Variants in PCDHGA4 observed in about 807,000 individuals in gnomAD.
The protein encoded by PCDHGA4 is protocadherin gamma subfamily A, 4.
Under a neutral mutation model 54.6 loss-of-function variants are expected in PCDHGA4, and 38 were observed. The ratio of observed to expected loss-of-function variants is 0.70; its 90% CI spans 0.54 to 0.91. The LOEUF is 0.91. Among genes scored for constraint, PCDHGA4 ranks in the 40% least tolerant of loss-of-function variants. The pLI, the probability that PCDHGA4 is intolerant of heterozygous loss-of-function variation, is 0.00. For missense variants in PCDHGA4, 1,298 were observed against 1,220.9 expected (o/e 1.06, Z -0.94); for synonymous variants, 511 against 512.9 (o/e 1.00, Z 0.05).
chr5:141,409,474 C>T, intron 1 of PCDHGA4: 1 of 1,614,002 alleles, frequency 6.2e-7, no homozygotes, highest in Non-Finnish European at 8.5e-7. Flanking sequence ...CCATCGTAGC[C>T]ACTGACAGGG....
At chr5:141,371,794 C>T (rs776687123) in intron 1 of PCDHGA4, 2 of 1,613,950 alleles carry the variant, frequency 1.2e-6, no homozygotes, top group South Asian at 2.2e-5. Context: ...AACAATCCGC[C>T]TGGAGCCTCC....
rs1283050252 is a variant in PCDHGA4, at chr5:141,512,909, T to G, written c.*1736T>G. ...CCTCTTCCTGTGTCTCACGCAAGTT[T>G]TATACTCTAATATTTATATGGCTTT... On this transcript the variant is annotated 3_prime_UTR_variant, in exon 4 of 4. Coordinates refer to ENST00000571252, the MANE Select transcript of PCDHGA4 (RefSeq NM_018917.4). 6.6e-6 allele frequency: 1 copy of G among 152,268 alleles called. No homozygotes were observed. The highest frequency in any genetic ancestry group is 1.5e-5 in the Non-Finnish European group (1 of 68,056). 9.4% of individuals were successfully genotyped at this position (152,268 alleles called of 1,614,324 possible).
At chr5:141,414,143 T>C (rs887054185) in intron 1 of PCDHGA4, 1 of 1,597,122 alleles carries the variant, frequency 6.3e-7, no homozygotes, top group Non-Finnish European at 8.5e-7. Flanking sequence ...GAAATAGAAA[T>C]ACAAGCAGAA....
Position 141,409,934 on chromosome 5 carries a change from G to A in PCDHGA4, c.2514+52313G>A. The A allele has an allele frequency of 1.9e-6, 3 of 1,613,362 alleles. No individual in the cohort carries two copies. Among genetic ancestry groups the A allele is most frequent in the South Asian group, 2.2e-5 (2 of 91,074 alleles). On this transcript the variant is annotated intron_variant, in intron 1 of 3. Transcript: ENST00000571252. ...TGACGGCTCCGCGTTCTTCGATATG[G>A]TACCTCGCTCTGCAGAGCCCGGCTA...
At chr5:141,408,423 A>G (rs2095103444) in intron 1 of PCDHGA4, 1 of 1,614,078 alleles carries the variant, frequency 6.2e-7, no homozygotes. Flanking sequence ...GAGAAGCTGC[A>G]CTTCAGCGTA....
At chr5:141,409,832 G>A (rs777679132) in intron 1 of PCDHGA4, 20 of 1,610,814 alleles carry the variant, frequency 1.2e-5, no homozygotes, top group Non-Finnish European at 1.6e-5. Context: ...CACGCTCAGC[G>A]CCAACGTGAG....
chr5:141,470,911 G>C (rs1208467445), intron 1 of PCDHGA4, among the ~76,000 whole-genome samples: 1 of 151,916 alleles, frequency 6.6e-6, no homozygotes, highest in African/African-American at 2.4e-5. Context: ...AGATGGGACT[G>C]TCCCTATGTT....
intron 1 of PCDHGA4, among the ~76,000 whole-genome samples, chr5:141,434,463 G>A (rs967685246): frequency 5.9e-5 from 9 of 152,192 alleles, no homozygotes; most frequent in Admixed American, 1.3e-4. Flanking sequence ...TGGGTTTACC[G>A]GAATGAGGGC....
At chr5:141,370,718 G>C (rs752810801) in intron 1 of PCDHGA4, 2 of 1,613,818 alleles carry the variant, frequency 1.2e-6, no homozygotes, top group Non-Finnish European at 1.7e-6. Context: ...AATTTGAAAT[G>C]GTTGCTGAAA....
chr5:141,389,834 A>G, intron 1 of PCDHGA4: 2 of 1,613,988 alleles, frequency 1.2e-6, no homozygotes, highest in Non-Finnish European at 1.7e-6. Context: ...GTGGACAGCC[A>G]CCACTCTCGG....
Position 141,387,738 on chromosome 5 carries a change from A to G in PCDHGA4, c.2514+30117A>G, listed in dbSNP as rs972177545. On this transcript the variant is annotated intron_variant, in intron 1 of 3. Transcript: ENST00000571252. ...CAGACTCCCCAGCGCCAGCCTTTAC[A>G]CCGCTTCCTCCTCGGAAAAAGAAGA... 7 of 1,322,274 alleles carry G rather than the reference A, an allele frequency of 5.3e-6. No individual in the cohort carries two copies. The Admixed American group carries it at 1.1e-4, about 21-fold the overall frequency. 81.9% of individuals were successfully genotyped at this position (1,322,274 alleles called of 1,614,324 possible).
chr5:141,396,996 C>G (rs1435849865), intron 1 of PCDHGA4, among the ~76,000 whole-genome samples: 1 of 152,218 alleles, frequency 6.6e-6, no homozygotes, highest in Non-Finnish European at 1.5e-5. Context: ...TTTTATTAAT[C>G]TGACAAATGG....
chr5:141,388,708 C>A lies in PCDHGA4; in HGVS notation c.2514+31087C>A, dbSNP rs764003797. On this transcript the variant is annotated intron_variant, in intron 1 of 3. Transcript: ENST00000571252. ...ACGGACCAGGATGAGGGTGTCAATG[C>A]CGAGATTACTTTCTCTTTCAGTGAA... 1.9e-6 allele frequency: 3 copies of A among 1,613,842 alleles called. No individual in the cohort carries two copies. The highest frequency in any genetic ancestry group is 2.5e-6 in the Non-Finnish European group (3 of 1,179,882).
intron 1 of PCDHGA4, chr5:141,399,854 G>T (rs747617678): frequency 6.2e-7 from 1 of 1,612,904 alleles, no homozygotes; most frequent in Non-Finnish European, 8.5e-7. Flanking sequence ...ATGGTGCCGC[G>T]CGCTGCAGAG....
chr5:141,383,187 C>A (rs572411306), intron 1 of PCDHGA4: 2 of 1,614,076 alleles, frequency 1.2e-6, no homozygotes, highest in Non-Finnish European at 1.7e-6. Context: ...AAGAGATCTG[C>A]GCTCAGAGTG....
At chr5:141,421,355 G>A in intron 1 of PCDHGA4, 1 of 1,613,990 alleles carries the variant, frequency 6.2e-7, no homozygotes, top group East Asian at 2.2e-5. Flanking sequence ...ACCGAAAAGG[G>A]CTCCTTCGTG....
Position 141,398,900 on chromosome 5 carries a change from G to A in PCDHGA4, c.2514+41279G>A, listed in dbSNP as rs765284630. Reference sequence around the variant, plus strand: ...AGCCTTCGGGAAAACGTGCCACCAGGCACCACTGTGTTGCAAGTGTCAGCC... The same window carrying A: ...AGCCTTCGGGAAAACGTGCCACCAGACACCACTGTGTTGCAAGTGTCAGCC... On this transcript the variant is annotated intron_variant, in intron 1 of 3. Coordinates refer to ENST00000571252, the MANE Select transcript of PCDHGA4 (RefSeq NM_018917.4). The A allele has an allele frequency of 3.1e-6, 5 of 1,613,846 alleles. No individual in the cohort carries two copies. In the East Asian group the frequency reaches 6.7e-5, roughly 22 times the overall value.
intron 1 of PCDHGA4, among the ~76,000 whole-genome samples, chr5:141,447,640 G>A (rs184184100): frequency 6.6e-6 from 1 of 152,198 alleles, no homozygotes; most frequent in Admixed American, 6.5e-5. Flanking sequence ...TATGAATGAT[G>A]GTAGAATTTT....
In PCDHGA4 at chr5:141,512,443, CCTT is replaced by C. The variant is rs1263805618; in HGVS notation, c.*1272_*1274del. On this transcript the variant is annotated 3_prime_UTR_variant, in exon 4 of 4. Coordinates refer to ENST00000571252, the MANE Select transcript of PCDHGA4 (RefSeq NM_018917.4). ...GCCCCTGCCCTCCTGAAGCCTCAGT[CCTT>C]CACCTTGCCAGGTGCCGTTTCTCTT... The C allele has an allele frequency of 1.3e-5, 2 of 152,896 alleles. No homozygotes were observed. The highest frequency in any genetic ancestry group is 4.8e-5 in the African/African-American group (2 of 41,468). 9.5% of individuals were successfully genotyped at this position (152,896 alleles called of 1,614,324 possible).
Sources: allele counts gnomAD v4.1 joint callset (sites outside exome capture counted in the v4.1 genomes callset), GRCh38; gene constraint gnomAD v4.1.1; transcripts MANE v1.5; gene names NCBI Gene and HGNC (gene_info 2026-07-23, HGNC 2026-07-21).